The following EYS variants were observed in gnomAD, a reference collection of about 807,000 sequenced individuals.
EYS encodes the protein EGF-like photoreceptor maintenance factor, also known as protein eyes shut homolog.
Under a neutral mutation model 282.1 loss-of-function variants are expected in EYS, and 250 were observed. That is an observed-to-expected ratio of 0.89 (90% confidence interval 0.80 to 0.98). The LOEUF (loss-of-function observed/expected upper bound fraction) is 0.98. Among genes scored for constraint, EYS ranks in the 50% least tolerant of loss-of-function variants. The pLI, the probability that EYS is intolerant of heterozygous loss-of-function variation, is 0.00. For missense variants in EYS, 4,016 were observed against 3,709.0 expected, an observed-to-expected ratio of 1.08 and a Z score of -2.15; for synonymous variants, 1,355 against 1,282.9, an observed-to-expected ratio of 1.06 and a Z score of -1.20.
intron 22 of EYS, among the ~76,000 whole-genome samples, chr6:64,706,581 TC>T (rs1771025597): frequency 6.6e-6 from 1 of 151,838 alleles, no homozygotes; most frequent in African/African-American, 2.4e-5. Flanking sequence ...GGACTAATAT[TC>T]AGACTCTACA....
intron 1 of EYS, among the ~76,000 whole-genome samples, chr6:65,651,240 A>G (rs532896087): frequency 6.6e-6 from 1 of 152,166 alleles, no homozygotes; most frequent in African/African-American, 2.4e-5. Context: ...GCATGCTTTT[A>G]CCTAAAGGAA....
At chr6:63,902,713 G>T (rs1773686287) in intron 35 of EYS, among the ~76,000 whole-genome samples, 1 of 151,930 alleles carries the variant, frequency 6.6e-6, no homozygotes, top group Non-Finnish European at 1.5e-5. Flanking sequence ...AAAACACTAA[G>T]AAAATAATAC....
chr6:63,855,016 G>T (rs1000255524), intron 36 of EYS, among the ~76,000 whole-genome samples: 1 of 152,174 alleles, frequency 6.6e-6, no homozygotes, highest in African/African-American at 2.4e-5. Flanking sequence ...CTCCACTCTG[G>T]GAACCATTAG....
At chr6:64,701,898 CT>C (rs1562143155) in intron 22 of EYS, among the ~76,000 whole-genome samples, 1 of 151,598 alleles carries the variant, frequency 6.6e-6, no homozygotes, top group African/African-American at 2.4e-5. Flanking sequence ...TATATAATAA[CT>C]TTAAAATAGT....
intron 12 of EYS, among the ~76,000 whole-genome samples, chr6:65,160,092 T>G (rs1348089763): frequency 6.6e-6 from 1 of 151,006 alleles, no homozygotes; most frequent in Non-Finnish European, 1.5e-5. Flanking sequence ...TCTATATGTT[T>G]TTAAAAATCA....
At chr6:64,687,086 G>A (rs1770176557) in intron 22 of EYS, among the ~76,000 whole-genome samples, 1 of 150,816 alleles carries the variant, frequency 6.6e-6, no homozygotes, top group African/African-American at 2.4e-5. Flanking sequence ...TAAAGAAATT[G>A]GTTTCACTGG....
At chr6:65,547,715 G>A (rs1244997625) in intron 2 of EYS, among the ~76,000 whole-genome samples, 1 of 152,074 alleles carries the variant, frequency 6.6e-6, no homozygotes, top group Non-Finnish European at 1.5e-5. Context: ...AAAATTGTCT[G>A]TATCTTTTGG....
chr6:65,348,877 A>T (rs891024078), intron 9 of EYS, among the ~76,000 whole-genome samples: 29 of 151,548 alleles, frequency 1.9e-4, no homozygotes, highest in African/African-American at 6.8e-4. Flanking sequence ...ATCCATTTTG[A>T]TTTGCTTTTT....
intron 35 of EYS, among the ~76,000 whole-genome samples, chr6:63,920,983 C>T (rs1403013075): frequency 6.6e-6 from 1 of 152,080 alleles, no homozygotes; most frequent in Non-Finnish European, 1.5e-5. Context: ...AGTTCCGCCT[C>T]CCGGGTTCAC....
chr6:64,933,372 C>T (rs1768793378), intron 15 of EYS, among the ~76,000 whole-genome samples: 1 of 152,088 alleles, frequency 6.6e-6, no homozygotes, highest in South Asian at 2.1e-4. Context: ...GGCCAACAAA[C>T]ATATGAAAAA....
At chr6:65,666,057 T>C (rs1277554226) in intron 1 of EYS, among the ~76,000 whole-genome samples, 1 of 151,700 alleles carries the variant, frequency 6.6e-6, no homozygotes, top group Non-Finnish European at 1.5e-5. Context: ...GAATGTAAGT[T>C]AACAATTCAA....
intron 24 of EYS, among the ~76,000 whole-genome samples, chr6:64,616,688 A>C (rs1446962086): frequency 6.6e-6 from 1 of 152,148 alleles, no homozygotes; most frequent in African/African-American, 2.4e-5. Context: ...TCTTTTATAC[A>C]CACTGGCCAG....
chr6:64,625,496 G>A (rs563650786), intron 23 of EYS, among the ~76,000 whole-genome samples: 38 of 152,302 alleles, frequency 2.5e-4, no homozygotes, highest in African/African-American at 8.7e-4. Context: ...CCTTCTGGCT[G>A]TGTCCTCACA....
chr6:65,434,561 C>A (rs1026141611), intron 5 of EYS, among the ~76,000 whole-genome samples: 1 of 152,086 alleles, frequency 6.6e-6, no homozygotes, highest in Non-Finnish European at 1.5e-5. Flanking sequence ...ACCTTGTGAT[C>A]GGCCCGCCTT....
At chr6:64,145,791 T>G (rs1281517243) in intron 31 of EYS, among the ~76,000 whole-genome samples, 1 of 152,190 alleles carries the variant, frequency 6.6e-6, no homozygotes, top group Non-Finnish European at 1.5e-5. Flanking sequence ...GATCTGCTCC[T>G]CTTTATTCCT....
intron 35 of EYS, among the ~76,000 whole-genome samples, chr6:63,978,991 G>T (rs1582069646): frequency 6.6e-6 from 1 of 152,010 alleles, no homozygotes; most frequent in Middle Eastern, 3.4e-3. Context: ...ATTTCTGAAT[G>T]CTAAACAAAT....
At chr6:65,693,766 G>C (rs996957331) in intron 1 of EYS, among the ~76,000 whole-genome samples, 5 of 149,832 alleles carry the variant, frequency 3.3e-5, no homozygotes, top group African/African-American at 1.2e-4. Context: ...TGAAGTAAAC[G>C]CAATGAGATA....
At chr6:64,406,832 A>G (rs1041595673) in intron 28 of EYS, among the ~76,000 whole-genome samples, 6 of 152,218 alleles carry the variant, frequency 3.9e-5, no homozygotes, top group African/African-American at 1.4e-4. Flanking sequence ...GTGGAGAAAT[A>G]GGAATGCTTT....
chr6:64,306,400 T>A (rs1769445638), intron 30 of EYS, among the ~76,000 whole-genome samples: 1 of 152,062 alleles, frequency 6.6e-6, no homozygotes, highest in South Asian at 2.1e-4. Context: ...ATTGTCTGAG[T>A]TCCCTCTTAA....
Sources: allele counts gnomAD v4.1 joint callset (sites outside exome capture counted in the v4.1 genomes callset), GRCh38; gene constraint gnomAD v4.1.1; transcripts MANE v1.5; gene names NCBI Gene and HGNC (gene_info 2026-07-23, HGNC 2026-07-21).